REN: variants seen among roughly 807,000 people sequenced by gnomAD.
REN encodes angiotensin-forming enzyme.
REN carries 42 observed loss-of-function variants against 48.6 expected under a neutral mutation model. The observed-to-expected ratio is 0.86, with a 90% CI of 0.68 to 1.12. The LOEUF is 1.12. REN is among the 50% of genes most tolerant of loss of function. REN has a pLI of 0.00. For missense variants in REN, 443 were observed against 527.3 expected, an observed-to-expected ratio of 0.84 and a Z score of 1.57; for synonymous variants, 196 against 204.6, an observed-to-expected ratio of 0.96 and a Z score of 0.36.
At chr1:204,157,438 G>T in intron 5 of REN, 69 bp from the exon 6 acceptor site, 1 of 1,607,800 alleles carries the variant, frequency 6.2e-7, no homozygotes, top group Admixed American at 1.7e-5. Flanking sequence ...CTGCTGTTTG[G>T]CAGGGTGGGT....
rs1445948779 is a variant in REN, at chr1:204,156,139, T to TC, written c.960+38dup. Reference sequence around the variant, plus strand: ...TTTGTGAGCCGATACCAGGTGGCGCTCCCCCCACCCACAGCACCTTCCCTC... The same window carrying TC: ...TTTGTGAGCCGATACCAGGTGGCGCTCCCCCCCACCCACAGCACCTTCCCTC... On this transcript the variant is annotated intron_variant, in intron 8 of 9. Transcript: ENST00000272190. This position sits in a 1 kb window ranked among gnomAD's most constrained non-coding sequence, Gnocchi z 4.2. The TC allele has an allele frequency of 6.2e-7, 1 of 1,613,154 alleles. No individual in the cohort carries two copies. Among genetic ancestry groups the TC allele is most frequent in the Admixed American group, 1.7e-5 (1 of 59,988 alleles).
chr1:204,156,442 T>G lies in REN; in HGVS notation c.819-123A>C. 1 of 1,430,714 alleles carries G rather than the reference T, an allele frequency of 7.0e-7. No homozygotes were observed. The highest frequency in any genetic ancestry group is 9.6e-7 in the Non-Finnish European group (1 of 1,044,678). 88.6% of individuals were successfully genotyped at this position (1,430,714 alleles called of 1,614,324 possible). On this transcript the variant is annotated intron_variant, in intron 7 of 9. Coordinates refer to ENST00000272190, the MANE Select transcript of REN (RefSeq NM_000537.4). The surrounding 1 kb of genome is among the most constrained non-coding windows in gnomAD (Gnocchi z 4.2). ...GGTGGAGGCCACGCTGGTGGCCTGT[T>G]GAGGCAGTGAGTAGAGGAGGGAAGG...
At chr1:204,159,185 G>C (rs992152029) in intron 5 of REN, among the ~76,000 whole-genome samples, 3 of 152,338 alleles carry the variant, frequency 2.0e-5, no homozygotes, top group African/African-American at 7.2e-5. Flanking sequence ...GTACAACTAA[G>C]AGCCACCAGT....
Position 204,156,450 on chromosome 1 carries a change from T to A in REN, c.819-131A>T. ...CCACGCTGGTGGCCTGTTGAGGCAG[T>A]GAGTAGAGGAGGGAAGGTACTGTCA... On this transcript the variant is annotated intron_variant, in intron 7 of 9. Coordinates refer to ENST00000272190, the MANE Select transcript of REN (RefSeq NM_000537.4). This position sits in a 1 kb window ranked among gnomAD's most constrained non-coding sequence, Gnocchi z 4.2. 1 of 1,402,092 alleles carries A rather than the reference T, an allele frequency of 7.1e-7. No homozygotes were observed. The highest frequency in any genetic ancestry group is 9.8e-7 in the Non-Finnish European group (1 of 1,021,210). 86.9% of individuals were successfully genotyped at this position (1,402,092 alleles called of 1,614,324 possible).
chr1:204,156,558 C>T lies in REN; in HGVS notation c.818+119G>A. Reference sequence around the variant, plus strand: ...AGGCAGAGAGCAAATGGTGGCTGTGCTTAAGAAGTGGCTGCATTTGGAAAG... The same window carrying T: ...AGGCAGAGAGCAAATGGTGGCTGTGTTTAAGAAGTGGCTGCATTTGGAAAG... On this transcript the variant is annotated intron_variant, in intron 7 of 9. Transcript: ENST00000272190. This position sits in a 1 kb window ranked among gnomAD's most constrained non-coding sequence, Gnocchi z 4.2. 1 of 1,470,908 alleles carries T rather than the reference C, an allele frequency of 6.8e-7. No homozygotes were observed. Among genetic ancestry groups the T allele is most frequent in the South Asian group, 1.2e-5 (1 of 86,798 alleles). 91.1% of individuals were successfully genotyped at this position (1,470,908 alleles called of 1,614,324 possible).
At chr1:204,157,032 G>C (rs1449173981) in intron 6 of REN, among the ~76,000 whole-genome samples, 20 of 152,178 alleles carry the variant, frequency 1.3e-4, no homozygotes, top group Admixed American at 1.3e-3. Context: ...TAGTCCAGCT[G>C]TTCCCCCAAA....
chr1:204,157,145 T>C (rs1210765326), intron 6 of REN, among the ~76,000 whole-genome samples: 1 of 152,112 alleles, frequency 6.6e-6, no homozygotes, highest in Non-Finnish European at 1.5e-5. Context: ...TTGCTGCTGA[T>C]TGAGCAGGTG....
intron 1 of REN, among the ~76,000 whole-genome samples, chr1:204,163,494 G>T (rs1181848859): frequency 6.6e-6 from 1 of 152,188 alleles, no homozygotes; most frequent in Non-Finnish European, 1.5e-5. Flanking sequence ...CCCCAAAGAG[G>T]TTGCATTTCC....
chr1:204,162,316 G>A (rs1180148413), intron 1 of REN, among the ~76,000 whole-genome samples, 153 bp from the exon 2 acceptor site: 1 of 152,210 alleles, frequency 6.6e-6, no homozygotes, highest in Non-Finnish European at 1.5e-5. Context: ...GGCCTCTGGA[G>A]CATTTATAAG....
rs1409892674 is a variant in REN at position 204,156,950 on chromosome 1, G to C, written c.699-154C>G. 6.6e-6 allele frequency among the ~76,000 whole-genome samples: 1 copy of C among 152,080 alleles called. No homozygotes were observed. Among genetic ancestry groups the C allele is most frequent in the East Asian group, 1.9e-4 (1 of 5,170 alleles). On this transcript the variant is annotated intron_variant, in intron 6 of 9. Coordinates refer to ENST00000272190, the MANE Select transcript of REN (RefSeq NM_000537.4). The surrounding 1 kb of genome is among the most constrained non-coding windows in gnomAD (Gnocchi z 4.2). ...ACAGCCAGGCTCGGAGCTGTCGTTG[G>C]GAAGCATGCAGAACATACTGCTTCT...
At chr1:204,161,827 A>T (rs971109918) in intron 2 of REN, among the ~76,000 whole-genome samples, 186 bp downstream of exon 2, 7 of 152,018 alleles carry the variant, frequency 4.6e-5, no homozygotes, top group African/African-American at 7.2e-5. Context: ...TGGCCCCTGG[A>T]TGCCTTCCTG....
At chr1:204,157,278 G>T in intron 6 of REN, 83 bp downstream of exon 6, 1 of 1,571,488 alleles carries the variant, frequency 6.4e-7, no homozygotes, top group Non-Finnish European at 8.8e-7. Context: ...TGTGAGTTTT[G>T]GGCCGGTGGC....
chr1:204,159,582 G>A lies in REN; in HGVS notation c.506C>T (p.Thr169Met), dbSNP rs776576517. The A allele has an allele frequency of 1.4e-5, 22 of 1,614,044 alleles. No homozygotes were observed. Among genetic ancestry groups the A allele is most frequent in the East Asian group, 6.7e-5 (3 of 44,894 alleles). The change falls in exon 5 of 10, where the codon ACG becomes ATG. Residue 169 changes from threonine to methionine, a missense_variant. Thr to Met is a moderately conservative substitution (Grantham distance 81). Transcript: ENST00000272190. ...SQDIITVGGI[T>M]VTQMFGEVTE... ...GACCTCTCCAAACATCTGTGTCACC[G>A]TGATTCCACCCACCTGTGGGAGGAA...
rs567138969 is a variant in REN, at chr1:204,160,293, C to T, written c.492+267G>A. Among the ~76,000 whole-genome samples the T allele has an allele frequency of 1.2e-4, 18 of 152,322 alleles. No individual in the cohort carries two copies. In the East Asian group the frequency reaches 2.7e-3, roughly 23 times the overall value. On this transcript the variant is annotated intron_variant, in intron 4 of 9. Transcript: ENST00000272190. Reference sequence around the variant, plus strand: ...TGGACGAGTTACTTGACTGCAGCCACGGGGCTCAGGACAAGCCCTACATGC... The same window carrying T: ...TGGACGAGTTACTTGACTGCAGCCATGGGGCTCAGGACAAGCCCTACATGC...
chr1:204,166,143 AG>A (rs1237962496), intron 1 of REN, 52 bp downstream of exon 1: 5 of 1,430,476 alleles, frequency 3.5e-6, no homozygotes, highest in Non-Finnish European at 4.9e-6. Context: ...GGTGTTGGGA[AG>A]GTGGGAACCC....
At chr1:204,165,251 G>A (rs567265278) in intron 1 of REN, among the ~76,000 whole-genome samples, 59 of 152,282 alleles carry the variant, frequency 3.9e-4, no homozygotes, top group African/African-American at 1.4e-3. Context: ...GATTATAGGC[G>A]TGAGCCACTG....
chr1:204,163,387 A>T (rs1221419660), intron 1 of REN, among the ~76,000 whole-genome samples: 1 of 152,244 alleles, frequency 6.6e-6, no homozygotes, highest in Non-Finnish European at 1.5e-5. Context: ...ACTGTTACCA[A>T]AATATTTTCA....
intron 5 of REN, 134 bp downstream of exon 5, chr1:204,159,265 G>C (rs528891409): frequency 3.9e-6 from 3 of 778,688 alleles, no homozygotes; most frequent in Non-Finnish European, 6.7e-6. Context: ...ATATTGGCTA[G>C]TACAGCTCTA....
Position 204,157,013 on chromosome 1 carries a change from G to T in REN, c.699-217C>A, listed in dbSNP as rs928256986. On this transcript the variant is annotated intron_variant, in intron 6 of 9. Transcript: ENST00000272190. ...CCCTCCCCAAGACCAACCAGAGGTTGTTCCAGGGTAGTCCAGCTGTTCCCC... is the reference window on the plus strand; with the variant it reads ...CCCTCCCCAAGACCAACCAGAGGTTTTTCCAGGGTAGTCCAGCTGTTCCCC... Among the ~76,000 whole-genome samples the T allele has an allele frequency of 7.2e-5, 11 of 152,318 alleles. No individual in the cohort carries two copies. The East Asian group carries it at 2.1e-3, about 29-fold the overall frequency.
Sources: allele counts gnomAD v4.1 joint callset (sites outside exome capture counted in the v4.1 genomes callset), GRCh38; gene constraint gnomAD v4.1.1; non-coding constraint Gnocchi (gnomAD v3.1); transcripts MANE v1.5; gene names NCBI Gene and HGNC (gene_info 2026-07-23, HGNC 2026-07-21).